The following GAN variants were observed in gnomAD, a reference collection of about 807,000 sequenced individuals.
GAN encodes epididymis secretory sperm binding protein.
In GAN, 48 loss-of-function variants were observed where a neutral mutation model predicts 71.3. The observed-to-expected ratio is 0.67, with a 90% CI of 0.53 to 0.86. GAN has a LOEUF of 0.86. Among genes scored for constraint, GAN ranks in the 40% least tolerant of loss-of-function variants. GAN has a pLI of 0.00. For missense variants in GAN, 928 were observed against 770.1 expected (o/e 1.21, Z -2.43); for synonymous variants, 386 against 276.8 (o/e 1.39, Z -3.92).
rs12651143 is a variant in GAN at position 81,345,194 on chromosome 16, G to A, written c.168-6389G>A. Among the ~76,000 whole-genome samples, 8 of 152,302 alleles carry A rather than the reference G, an allele frequency of 5.3e-5. 1 individual carries two copies. Among genetic ancestry groups the A allele is most frequent in the South Asian group, 2.1e-4 (1 of 4,820 alleles). On this transcript the variant is annotated intron_variant, in intron 1 of 10. Coordinates refer to ENST00000648994, the MANE Select transcript of GAN (RefSeq NM_022041.4). The stretch of plus-strand genomic sequence containing the variant: ...CAACCATTGTGGAAGACAGTGTGGC[G>A]ATTCCTCAAGGATCTAGAACTAGAA...
intron 1 of GAN, among the ~76,000 whole-genome samples, chr16:81,349,176 T>C (rs1296016585): frequency 1.3e-5 from 2 of 152,160 alleles, no homozygotes; most frequent in Non-Finnish European, 2.9e-5. Flanking sequence ...TTTTAGCTTA[T>C]CTTTCACCCC....
intron 1 of GAN, among the ~76,000 whole-genome samples, chr16:81,320,359 TG>T (rs1471228120): frequency 6.6e-6 from 1 of 152,248 alleles, no homozygotes; most frequent in East Asian, 1.9e-4. Flanking sequence ...AGTTTACTTT[TG>T]TTGATTAATT....
chr16:81,385,364 T>A lies in GAN; in HGVS notation c.*7768T>A, dbSNP rs369715897. The stretch of plus-strand genomic sequence containing the variant: ...TTCAGGCAATCATCTTTATATACTT[T>A]CCTTACAAACCCAGTGGTTGAGAGC... On this transcript the variant is annotated 3_prime_UTR_variant, in exon 11 of 11. Transcript: ENST00000648994. 1 of 152,204 alleles carries A rather than the reference T, an allele frequency of 6.6e-6. No individual in the cohort carries two copies. The highest frequency in any genetic ancestry group is 1.5e-5 in the Non-Finnish European group (1 of 68,044). 9.4% of individuals were successfully genotyped at this position (152,204 alleles called of 1,614,324 possible).
rs961528942 is a variant in GAN, at chr16:81,379,172, A to T, written c.*1576A>T. ...TAGAAACTTCCTGTATGGAACGTTTATATGCAATTAACATGCATATGAAAA... is the reference window on the plus strand; with the variant it reads ...TAGAAACTTCCTGTATGGAACGTTTTTATGCAATTAACATGCATATGAAAA... On this transcript the variant is annotated 3_prime_UTR_variant, in exon 11 of 11. Coordinates refer to ENST00000648994, the MANE Select transcript of GAN (RefSeq NM_022041.4). The T allele has an allele frequency of 1.3e-5, 2 of 152,300 alleles. No individual in the cohort carries two copies. Among genetic ancestry groups the T allele is most frequent in the South Asian group, 4.1e-4 (2 of 4,830 alleles). The allele number at this position is 152,300 out of a possible 1,614,324, so 9.4% of individuals were successfully genotyped here.
chr16:81,332,992 C>T (rs1215889935), intron 1 of GAN, among the ~76,000 whole-genome samples: 3 of 152,094 alleles, frequency 2.0e-5, no homozygotes, highest in African/African-American at 7.2e-5. Context: ...GTAATCCCAG[C>T]ACTTTGGGAG....
intron 9 of GAN, among the ~76,000 whole-genome samples, chr16:81,373,475 T>A (rs2150696504): frequency 6.6e-6 from 1 of 152,360 alleles, no homozygotes; most frequent in South Asian, 2.1e-4. Flanking sequence ...ACTGTAGACT[T>A]GTAGAAAAGT....
chr16:81,316,126 G>GTCCT (rs1909030800), intron 1 of GAN, among the ~76,000 whole-genome samples: 1 of 152,196 alleles, frequency 6.6e-6, no homozygotes, highest in South Asian at 2.1e-4. Flanking sequence ...TTATACAAGT[G>GTCCT]TATCAGATCT....
At chr16:81,340,778 G>C (rs1324774319) in intron 1 of GAN, among the ~76,000 whole-genome samples, 2 of 151,884 alleles carry the variant, frequency 1.3e-5, no homozygotes, top group Non-Finnish European at 1.5e-5. Flanking sequence ...AACAAAACTG[G>C]ATGGATAATG....
intron 1 of GAN, among the ~76,000 whole-genome samples, chr16:81,338,959 C>T (rs1295109319): frequency 2.0e-5 from 3 of 152,218 alleles, no homozygotes; most frequent in Non-Finnish European, 4.4e-5. Context: ...ACATTGTTAC[C>T]TGCCCATGAT....
chr16:81,355,699 A>G (rs1449328699), intron 3 of GAN, among the ~76,000 whole-genome samples: 2 of 152,230 alleles, frequency 1.3e-5, no homozygotes, highest in Non-Finnish European at 2.9e-5. Context: ...TATAAATAAG[A>G]CACTAGCTCC....
At chr16:81,372,086 G>C (rs1171641553) in intron 9 of GAN, 2 of 151,800 alleles carry the variant, frequency 1.3e-5, no homozygotes, top group Non-Finnish European at 1.5e-5. Flanking sequence ...CTCCTTTCCT[G>C]TCATTCCCCT....
At position 81,380,268 on chromosome 16, in the gene GAN, T is replaced by C. The variant is rs1904298588; in HGVS notation, c.*2672T>C. ...ATACTTCTTTCTTGATAAGGCACTT[T>C]TACCAGGTGTGTGTTGGAATTGGTG... is the stretch of plus-strand genomic sequence containing the variant. On this transcript the variant is annotated 3_prime_UTR_variant, in exon 11 of 11. Coordinates refer to ENST00000648994, the MANE Select transcript of GAN (RefSeq NM_022041.4). 1.3e-5 allele frequency: 2 copies of C among 152,646 alleles called. No individual in the cohort carries two copies. The highest frequency in any genetic ancestry group is 4.8e-5 in the African/African-American group (2 of 41,458). 9.5% of individuals were successfully genotyped at this position (152,646 alleles called of 1,614,324 possible).
intron 1 of GAN, among the ~76,000 whole-genome samples, chr16:81,338,365 GC>G (rs1368635232): frequency 2.0e-5 from 3 of 152,104 alleles, no homozygotes; most frequent in African/African-American, 7.2e-5. Context: ...CATAGAAAAG[GC>G]CTATTGATTC....
intron 1 of GAN, among the ~76,000 whole-genome samples, chr16:81,316,255 A>T (rs1909035395): frequency 6.6e-6 from 1 of 152,170 alleles, no homozygotes; most frequent in African/African-American, 2.4e-5. Flanking sequence ...GTTAAATATA[A>T]GCTAGTGGTA....
In GAN at chr16:81,344,162, A is replaced by G. The variant is rs142075255; in HGVS notation, c.168-7421A>G. Among the ~76,000 whole-genome samples the G allele has an allele frequency of 4.1e-3, 629 of 152,346 alleles. 2 individuals carry two copies. The highest frequency in any genetic ancestry group is 0.014 in the African/African-American group (597 of 41,592). On this transcript the variant is annotated intron_variant, in intron 1 of 10. Coordinates refer to ENST00000648994, the MANE Select transcript of GAN (RefSeq NM_022041.4). ...CCATGCTCATGGATAGGAAGAATCA[A>G]TATTGTGAAAATGGCCTTACTGCCC... is the stretch of plus-strand genomic sequence containing the variant.
chr16:81,332,914 G>T (rs1202892949), intron 1 of GAN, among the ~76,000 whole-genome samples: 1 of 152,092 alleles, frequency 6.6e-6, no homozygotes, highest in Non-Finnish European at 1.5e-5. Flanking sequence ...CATTGGTATT[G>T]TTCAGTTTGA....
At chr16:81,365,534 G>C in intron 9 of GAN, 56 bp downstream of exon 9, 1 of 1,548,602 alleles carries the variant, frequency 6.5e-7, no homozygotes, top group Non-Finnish European at 8.9e-7. Context: ...GCTTTCAGTC[G>C]TATTTTAGCT....
chr16:81,334,980 T>G (rs1364781414), intron 1 of GAN, among the ~76,000 whole-genome samples: 1 of 152,178 alleles, frequency 6.6e-6, no homozygotes, highest in Non-Finnish European at 1.5e-5. Context: ...ATATTGACAT[T>G]AAACAAATGC....
chr16:81,345,952 A>G (rs557287440), intron 1 of GAN, among the ~76,000 whole-genome samples: 4 of 152,322 alleles, frequency 2.6e-5, no homozygotes, highest in East Asian at 1.9e-4. Context: ...CCAGTTCACA[A>G]TAGGGTTCGT....
Sources: gnomAD v4.1 joint callset for allele counts (sites outside exome capture counted in the v4.1 genomes callset) on GRCh38, gnomAD v4.1.1 for gene constraint, MANE v1.5 for transcripts, NCBI Gene and HGNC (gene_info 2026-07-23, HGNC 2026-07-21) for gene names.